TBPL2: variants seen among roughly 807,000 people sequenced by gnomAD.
TBPL2 encodes the protein TATA-box binding protein like 2, also known as TATA box-binding protein-like 2.
In TBPL2, 40 loss-of-function variants were observed where a neutral mutation model predicts 38.2. The ratio of observed to expected loss-of-function variants is 1.05; its 90% CI spans 0.81 to 1.36. The LOEUF is 1.36. Ranked by LOEUF, TBPL2 falls within the 40% of genes most tolerant of loss-of-function variation. The probability of loss-of-function intolerance (pLI) is 0.00; values close to 1 mark genes in which losing one functional copy is unlikely to be tolerated. For missense variants in TBPL2, 461 were observed against 456.7 expected (o/e 1.01, Z -0.09); for synonymous variants, 169 against 171.7 (o/e 0.98, Z 0.12).
chr14:55,439,804 T>G (rs992637830), intron 1 of TBPL2, among the ~76,000 whole-genome samples: 2 of 150,826 alleles, frequency 1.3e-5, no homozygotes, highest in African/African-American at 2.4e-5. Context: ...AGTGGCGGGC[T>G]CCTGTAGTCC....
exon 2 of TBPL2, chr14:55,436,812 G>T (rs369692725): frequency 5.0e-6 from 8 of 1,614,196 alleles, no homozygotes; most frequent in Non-Finnish European, 6.8e-6. Flanking sequence ...CTTCAGTTTC[G>T]TGTTTGCTAA....
chr14:55,440,526 G>C, exon 1 of TBPL2: 1 of 1,608,254 alleles, frequency 6.2e-7, no homozygotes, highest in South Asian at 1.1e-5. Context: ...AACCCGCTCC[G>C]GCCAGGGCGC....
intron 1 of TBPL2, among the ~76,000 whole-genome samples, chr14:55,437,538 T>G (rs574639638): frequency 6.6e-6 from 1 of 152,348 alleles, no homozygotes; most frequent in South Asian, 2.1e-4. Flanking sequence ...TATTTTAAAA[T>G]GCAGAAAAAG....
In TBPL2 at chr14:55,414,231, C is replaced by A. The variant is rs566215278; in HGVS notation, c.*148G>T. On this transcript the variant is annotated 3_prime_UTR_variant, in exon 7 of 7. Coordinates refer to ENST00000247219, the Ensembl canonical transcript of TBPL2. ...GTCATTTTGAATAAGAATTTTTCTT[C>A]GTTTCTTAGGTTACTTACACAGAGT... 57 of 612,344 alleles carry A rather than the reference C, an allele frequency of 9.3e-5. No individual in the cohort carries two copies. The Middle Eastern group carries it at 1.0e-3, about 11-fold the overall frequency. 37.9% of individuals were successfully genotyped at this position (612,344 alleles called of 1,614,324 possible).
intron 5 of TBPL2, among the ~76,000 whole-genome samples, chr14:55,426,549 T>TGAGGC (rs1885827366): frequency 6.6e-6 from 1 of 152,036 alleles, no homozygotes; most frequent in East Asian, 1.9e-4. Context: ...AAAATTCAAA[T>TGAGGC]CTTCTAAGAG....
In TBPL2 at chr14:55,436,525, C is replaced by A. The variant is rs774293336; in HGVS notation, c.608+36G>T. 2.0e-5 allele frequency: 31 copies of A among 1,554,160 alleles called. No homozygotes were observed. In the African/African-American group the frequency reaches 4.1e-4, roughly 20 times the overall value. On this transcript the variant is annotated intron_variant, in intron 2 of 6. Transcript: ENST00000247219. Reference sequence around the variant, plus strand: ...GCATTCAGGAATATAAAATGTGTACCCAATGTGCTCAATTAAAACAAAAAT... The same window carrying A: ...GCATTCAGGAATATAAAATGTGTACACAATGTGCTCAATTAAAACAAAAAT...
exon 4 of TBPL2, chr14:55,433,711 G>T (rs1885971341): frequency 1.2e-6 from 2 of 1,613,772 alleles, no homozygotes. Flanking sequence ...CATTATGACA[G>T]CAGCAAACCT....
intron 6 of TBPL2, among the ~76,000 whole-genome samples, chr14:55,416,654 C>T (rs889659034): frequency 6.6e-6 from 1 of 152,138 alleles, no homozygotes; most frequent in Admixed American, 6.5e-5. Context: ...TCTACAAAAC[C>T]AAACTCTTTA....
intron 5 of TBPL2, among the ~76,000 whole-genome samples, chr14:55,428,380 C>T (rs1485002634): frequency 3.9e-5 from 6 of 152,094 alleles, no homozygotes; most frequent in African/African-American, 1.4e-4. Context: ...CCGCCTGCCT[C>T]GGCCTCCCAA....
At chr14:55,435,518 C>A (rs1336734089) in intron 3 of TBPL2, among the ~76,000 whole-genome samples, 1 of 152,114 alleles carries the variant, frequency 6.6e-6, no homozygotes, top group South Asian at 2.1e-4. Context: ...TCGTGATCCA[C>A]CTGCCTCAGC....
exon 5 of TBPL2, chr14:55,428,830 C>G: frequency 6.2e-7 from 1 of 1,614,116 alleles, no homozygotes; most frequent in African/African-American, 1.3e-5. Flanking sequence ...GATGGGTTAG[C>G]ACCAAACCTT....
chr14:55,437,556 C>T (rs1485117909), intron 1 of TBPL2, among the ~76,000 whole-genome samples: 1 of 152,210 alleles, frequency 6.6e-6, no homozygotes, highest in African/African-American at 2.4e-5. Flanking sequence ...AAGCATTCTT[C>T]ATAAACTATC....
chr14:55,415,727 G>A (rs1053343553), intron 6 of TBPL2, among the ~76,000 whole-genome samples: 3 of 152,072 alleles, frequency 2.0e-5, no homozygotes, highest in Admixed American at 6.6e-5. Flanking sequence ...AAAATTAGGC[G>A]TGGCGGTGGG....
In TBPL2 at chr14:55,439,613, A is replaced by ACCCCCCCC; in HGVS notation, c.150+782_150+783insGGGGGGGG. ...CAACACCAGCCTGGGGAGAAAAGCA[A>ACCCCCCCC]ACCCCCCCCCGTCTCTACTAAAAAA... On this transcript the variant is annotated intron_variant, in intron 1 of 6. Coordinates refer to ENST00000247219, the Ensembl canonical transcript of TBPL2. Among the ~76,000 whole-genome samples the ACCCCCCCC allele has an allele frequency of 5.6e-4, 27 of 47,968 alleles. 3 individuals carry two copies. Among genetic ancestry groups the ACCCCCCCC allele is most frequent in the Admixed American group, 1.3e-3 (5 of 3,994 alleles). The allele number at this position is 47,968 out of a possible 152,430, so 31.5% of individuals were successfully genotyped here. A position where few individuals can be genotyped will look rare whatever the true frequency, so the allele number is the denominator to read the frequency against.
chr14:55,415,738 C>T lies in TBPL2; in HGVS notation c.1052-1283G>A, dbSNP rs1489449000. On this transcript the variant is annotated intron_variant, in intron 6 of 6. Transcript: ENST00000247219. ...AAAGAAAATTAGGCGTGGCGGTGGG[C>T]GTCTGTCATCCTAGCTATTTGGGAG... Among the ~76,000 whole-genome samples the T allele has an allele frequency of 2.0e-5, 3 of 152,108 alleles. No homozygotes were observed. In the South Asian group the frequency reaches 6.2e-4, roughly 32 times the overall value.
intron 6 of TBPL2, among the ~76,000 whole-genome samples, chr14:55,421,079 GAAAA>G: frequency 8.7e-6 from 1 of 115,512 alleles, no homozygotes; most frequent in Non-Finnish European, 2.0e-5. Context: ...AAAAAAAAAA[GAAAA>G]AAGAAATTTG....
chr14:55,435,187 G>A (rs1885993691), intron 3 of TBPL2, among the ~76,000 whole-genome samples: 1 of 152,142 alleles, frequency 6.6e-6, no homozygotes, highest in Non-Finnish European at 1.5e-5. Flanking sequence ...AGATACATAA[G>A]TGTCAGGTAG....
rs531543666 is a variant in TBPL2 at position 55,434,779 on chromosome 14, A to G, written c.697-1058T>C. Among the ~76,000 whole-genome samples, 9 of 152,334 alleles carry G rather than the reference A, an allele frequency of 5.9e-5. No individual in the cohort carries two copies. The East Asian group carries it at 1.5e-3, about 26-fold the overall frequency. ...TTTAAATTCAGATGTCAGCAACAAT[A>G]CTAGGGCAACAGCAAAAACAAATAA... On this transcript the variant is annotated intron_variant, in intron 3 of 6. Coordinates refer to ENST00000247219, the Ensembl canonical transcript of TBPL2.
At chr14:55,421,748 C>A (rs997454124) in intron 6 of TBPL2, among the ~76,000 whole-genome samples, 13 of 152,206 alleles carry the variant, frequency 8.5e-5, no homozygotes, top group Admixed American at 8.5e-4. Context: ...CAGGCGTGAG[C>A]CACCATACCC....
Sources: allele counts gnomAD v4.1 joint callset (sites outside exome capture counted in the v4.1 genomes callset), GRCh38; gene constraint gnomAD v4.1.1; transcripts MANE v1.5; gene names NCBI Gene and HGNC (gene_info 2026-07-23, HGNC 2026-07-21).